SNX10: variants seen among roughly 807,000 people sequenced by gnomAD.
The protein encoded by SNX10 is sorting nexin 10.
In SNX10, 25 loss-of-function variants were observed where a neutral mutation model predicts 28.5. The ratio of observed to expected loss-of-function variants is 0.88; its 90% CI spans 0.64 to 1.22. The LOEUF is 1.22. Among genes scored for constraint, SNX10 ranks in the 50% most tolerant of loss-of-function variants. The probability of loss-of-function intolerance (pLI) is 0.00; values close to 1 mark genes in which losing one functional copy is unlikely to be tolerated. For missense variants in SNX10, 223 were observed against 242.6 expected (o/e 0.92, Z 0.54); for synonymous variants, 62 against 81.4 (o/e 0.76, Z 1.28).
chr7:26,316,504 A>G (rs1787097168), intron 1 of SNX10, among the ~76,000 whole-genome samples: 1 of 152,234 alleles, frequency 6.6e-6, no homozygotes, highest in African/African-American at 2.4e-5. Flanking sequence ...TAGTGGGGAA[A>G]ACAAATGACA....
chr7:26,322,486 C>T (rs762447229), intron 1 of SNX10, among the ~76,000 whole-genome samples: 10 of 152,090 alleles, frequency 6.6e-5, no homozygotes, highest in Non-Finnish European at 1.0e-4. Flanking sequence ...TTTCTTTTCC[C>T]CAATTTGTTA....
At chr7:26,363,669 C>G (rs1250911627) in intron 3 of SNX10, among the ~76,000 whole-genome samples, 1 of 152,106 alleles carries the variant, frequency 6.6e-6, no homozygotes, top group African/African-American at 2.4e-5. Flanking sequence ...CTTATGTTTA[C>G]CCAAAGGAGA....
Position 26,325,474 on chromosome 7 carries a change from C to T in SNX10, c.-23-20946C>T, listed in dbSNP as rs926979213. Among the ~76,000 whole-genome samples, 16 of 149,262 alleles carry T rather than the reference C, an allele frequency of 1.1e-4. No individual in the cohort carries two copies. The South Asian group carries it at 1.5e-3, about 14-fold the overall frequency. On this transcript the variant is annotated intron_variant, in intron 1 of 6. Coordinates refer to ENST00000338523, the MANE Select transcript of SNX10 (RefSeq NM_013322.3). ...GACTACAGGTGCACACCACCACACC[C>T]GCTAATTTTTTATATTTTTGGTTGT... is the stretch of plus-strand genomic sequence containing the variant.
chr7:26,360,999 G>A lies in SNX10; in HGVS notation c.49G>A (p.Asp17Asn). Reference sequence around the variant, plus strand: ...GGAATTTGTAAGTGTCTGGGTTCGAGATCCTAGGATTCAGAAGGAGGACTT... The same window carrying A: ...GGAATTTGTAAGTGTCTGGGTTCGAAATCCTAGGATTCAGAAGGAGGACTT... ...KEEFVSVWVR[D>N]PRIQKEDFWH... Residue 17 changes from aspartate to asparagine, a missense_variant, in exon 3 of 7, where the codon GAT becomes AAT. By Grantham distance (23) the Asp-to-Asn change is conservative (BLOSUM62 1). Coordinates refer to ENST00000338523, the MANE Select transcript of SNX10 (RefSeq NM_013322.3). 7 of 1,613,022 alleles carry A rather than the reference G, an allele frequency of 4.3e-6. No individual in the cohort carries two copies. The highest frequency in any genetic ancestry group is 5.9e-6 in the Non-Finnish European group (7 of 1,179,504).
At chr7:26,346,835 A>G (rs911031855) in intron 2 of SNX10, among the ~76,000 whole-genome samples, 17 of 152,204 alleles carry the variant, frequency 1.1e-4, no homozygotes, top group African/African-American at 3.9e-4. Context: ...AATTTCTGCC[A>G]TTAGTTTCAG....
chr7:26,369,202 T>A lies in SNX10; in HGVS notation c.312-2619T>A, dbSNP rs569638724. 8.5e-5 allele frequency among the ~76,000 whole-genome samples: 13 copies of A among 152,290 alleles called. No homozygotes were observed. The South Asian group carries it at 2.7e-3, about 32-fold the overall frequency. ...AAATCATATACTTTTTAAATGGAGGTTTCTACAAATGACATTTTATTGACT... is the reference window on the plus strand; with the variant it reads ...AAATCATATACTTTTTAAATGGAGGATTCTACAAATGACATTTTATTGACT... On this transcript the variant is annotated intron_variant, in intron 5 of 6. Transcript: ENST00000338523.
chr7:26,365,228 T>C, intron 5 of SNX10, 83 bp downstream of exon 5: 1 of 804,470 alleles, frequency 1.2e-6, no homozygotes, highest in Non-Finnish European at 2.1e-6. Context: ...TGGGGAAGAG[T>C]GTTCCTGTTT....
chr7:26,302,118 G>A (rs557047175), intron 1 of SNX10, among the ~76,000 whole-genome samples: 1 of 152,168 alleles, frequency 6.6e-6, no homozygotes, highest in African/African-American at 2.4e-5. Context: ...AGTGGTGTGA[G>A]GTTATTTTCA....
chr7:26,336,027 G>A (rs1787928865), intron 1 of SNX10, among the ~76,000 whole-genome samples: 1 of 152,016 alleles, frequency 6.6e-6, no homozygotes, highest in Non-Finnish European at 1.5e-5. Flanking sequence ...CACCGCGCCC[G>A]GCCTGGAATA....
intron 1 of SNX10, among the ~76,000 whole-genome samples, chr7:26,340,201 A>G (rs1387093641): frequency 6.6e-6 from 1 of 152,174 alleles, no homozygotes; most frequent in African/African-American, 2.4e-5. Context: ...GACCTCAGAA[A>G]GGTATTATTA....
At chr7:26,295,810 G>A (rs12538280) in intron 1 of SNX10, among the ~76,000 whole-genome samples, 5,700 of 152,300 alleles carry the variant, frequency 0.037, 353 homozygotes, top group East Asian at 0.27. Flanking sequence ...GATTTGGTAT[G>A]GGAATCTACA....
chr7:26,349,113 G>A (rs1038701668), intron 2 of SNX10, among the ~76,000 whole-genome samples: 9 of 152,186 alleles, frequency 5.9e-5, no homozygotes, highest in Non-Finnish European at 1.2e-4. Flanking sequence ...CCACCTAATC[G>A]AATATGTAAG....
chr7:26,338,892 A>G (rs537517259), intron 1 of SNX10, among the ~76,000 whole-genome samples: 1 of 152,340 alleles, frequency 6.6e-6, no homozygotes, highest in Non-Finnish European at 1.5e-5. Context: ...TGATCCTTCC[A>G]GTGCAGTTGC....
chr7:26,296,059 C>T (rs1255150825), intron 1 of SNX10, among the ~76,000 whole-genome samples: 1 of 152,048 alleles, frequency 6.6e-6, no homozygotes, highest in African/African-American at 2.4e-5. Context: ...CGCTTGAGCC[C>T]AGGAGGTTGA....
rs942003914 is a variant in SNX10, at chr7:26,291,984, T to C, written c.-126T>C. On this transcript the variant is annotated 5_prime_UTR_variant, in exon 1 of 7. Coordinates refer to ENST00000338523, the MANE Select transcript of SNX10 (RefSeq NM_013322.3). ...TGCGCTCGTGTGCGCTCCTGGGCGC[T>C]CGCCGCCGCCGCTGCCGCCGCGCGC... 1.4e-5 allele frequency: 2 copies of C among 143,286 alleles called. No homozygotes were observed. Among genetic ancestry groups the C allele is most frequent in the African/African-American group, 5.0e-5 (2 of 40,328 alleles). 8.9% of individuals were successfully genotyped at this position (143,286 alleles called of 1,614,324 possible).
intron 2 of SNX10, among the ~76,000 whole-genome samples, chr7:26,348,312 G>T (rs1469992656): frequency 6.6e-6 from 1 of 152,186 alleles, no homozygotes; most frequent in South Asian, 2.1e-4. Context: ...TAATGAAACT[G>T]CAAGGTTAAG....
intron 5 of SNX10, among the ~76,000 whole-genome samples, chr7:26,367,185 A>G (rs1384670327): frequency 6.6e-6 from 1 of 152,116 alleles, no homozygotes; most frequent in African/African-American, 2.4e-5. Flanking sequence ...AACTCTAAAA[A>G]CCATGCAGCG....
intron 2 of SNX10, among the ~76,000 whole-genome samples, chr7:26,359,936 G>T (rs902778041): frequency 3.3e-5 from 5 of 152,258 alleles, no homozygotes; most frequent in Middle Eastern, 6.8e-3. Flanking sequence ...GATTACAGGC[G>T]TAAGCCACTG....
At chr7:26,360,849 G>T in intron 2 of SNX10, 126 bp from the exon 3 acceptor site, 1 of 1,482,924 alleles carries the variant, frequency 6.7e-7, no homozygotes. Flanking sequence ...GTTTTTTAAA[G>T]GATTACAAGT....
Sources: gnomAD v4.1 joint callset for allele counts (sites outside exome capture counted in the v4.1 genomes callset) on GRCh38, gnomAD v4.1.1 for gene constraint, MANE v1.5 for transcripts, NCBI Gene and HGNC (gene_info 2026-07-23, HGNC 2026-07-21) for gene names.